Variants in PCYT1B observed in about 807,000 individuals in gnomAD.
The protein encoded by PCYT1B is choline-phosphate cytidylyltransferase B.
PCYT1B carries 10 observed loss-of-function variants against 26.4 expected under a neutral mutation model. The observed-to-expected ratio is 0.38, with a 90% CI of 0.23 to 0.64. The LOEUF is 0.64. Ranked by LOEUF, PCYT1B falls within the 30% of genes least tolerant of loss-of-function variation. The probability of loss-of-function intolerance (pLI) is 0.56; values close to 1 mark genes in which losing one functional copy is unlikely to be tolerated. For missense variants in PCYT1B, 161 were observed against 292.7 expected (o/e 0.55, Z 3.28); for synonymous variants, 131 against 108.4 (o/e 1.21, Z -1.29).
intron 5 of PCYT1B, among the ~76,000 whole-genome samples, chrX:24,580,954 C>T (rs893197831): frequency 9.0e-6 from 1 of 111,657 alleles, no homozygotes; most frequent in African/African-American, 3.3e-5. Context: ...TGTGCCATTT[C>T]TTTCTCTCTC....
At chrX:24,670,060 GAA>G (rs1443388746) in intron 1 of PCYT1B, among the ~76,000 whole-genome samples, 2 of 49,750 alleles carry the variant, frequency 4.0e-5, no homozygotes, top group East Asian at 8.8e-4. Flanking sequence ...AAGAAAGAAA[GAA>G]AGAAAGAAAG....
chrX:24,595,520 C>T (rs950385802), intron 3 of PCYT1B, among the ~76,000 whole-genome samples: 8 of 110,695 alleles, frequency 7.2e-5, no homozygotes, highest in African/African-American at 2.6e-4. Context: ...CTGGAGGCCC[C>T]GCTCCTGTTT....
At chrX:24,597,210 C>T (rs751482268) in intron 3 of PCYT1B, among the ~76,000 whole-genome samples, 85 of 108,644 alleles carry the variant, frequency 7.8e-4, no homozygotes, top group African/African-American at 2.5e-3. Flanking sequence ...CTGCAACCTC[C>T]GCCTCCTGGG....
At chrX:24,575,425 C>T (rs1923984401) in intron 6 of PCYT1B, 107 bp from the exon 7 acceptor site, 1 of 632,197 alleles carries the variant, frequency 1.6e-6, no homozygotes, top group Non-Finnish European at 2.3e-6. Context: ...TGTATTTGTT[C>T]CTAACCTGAA....
intron 1 of PCYT1B, among the ~76,000 whole-genome samples, chrX:24,625,408 A>G (rs1925851100): frequency 9.0e-6 from 1 of 111,061 alleles, no homozygotes; most frequent in South Asian, 3.8e-4. Context: ...TAATATAGTT[A>G]ACCATGGGCC....
intron 7 of PCYT1B, 135 bp downstream of exon 7, chrX:24,574,995 A>G: frequency 4.6e-6 from 2 of 437,837 alleles, no homozygotes; most frequent in East Asian, 4.0e-5. Flanking sequence ...ATGGACTTGA[A>G]GTCATTCAGG....
In PCYT1B at chrX:24,558,488, G is replaced by A; in HGVS notation, c.*3805C>T. ...AAACAGGCACATCTCTGCTAGAGACGGGCTCATCTGCTTCAGCTGAGCCAG... is the reference window on the plus strand; with the variant it reads ...AAACAGGCACATCTCTGCTAGAGACAGGCTCATCTGCTTCAGCTGAGCCAG... On this transcript the variant is annotated 3_prime_UTR_variant, in exon 8 of 8. Transcript: ENST00000379144. 9.1e-6 allele frequency: 1 copy of A among 109,733 alleles called. No homozygotes were observed. The highest frequency in any genetic ancestry group is 2.8e-4 in the East Asian group (1 of 3,512). 9.0% of individuals were successfully genotyped at this position (109,733 alleles called of 1,213,427 possible).
At chrX:24,668,320 G>A (rs1024992102) in intron 1 of PCYT1B, among the ~76,000 whole-genome samples, 1 of 111,732 alleles carries the variant, frequency 8.9e-6, no homozygotes, top group Non-Finnish European at 1.9e-5. Context: ...TGAATGCCTG[G>A]GAATCATCTC....
At chrX:24,623,089 G>A (rs774230996) in intron 1 of PCYT1B, among the ~76,000 whole-genome samples, 23 of 110,708 alleles carry the variant, frequency 2.1e-4, no homozygotes, top group Admixed American at 6.8e-4. Context: ...GGAGGAGAGA[G>A]ATAAGAAAGG....
intron 3 of PCYT1B, among the ~76,000 whole-genome samples, chrX:24,600,052 T>A (rs1025415340): frequency 9.1e-6 from 1 of 110,105 alleles, no homozygotes; most frequent in African/African-American, 3.3e-5. Flanking sequence ...GGACTACAGG[T>A]GCACGCCTGG....
intron 2 of PCYT1B, among the ~76,000 whole-genome samples, chrX:24,617,371 G>GTTTTTT (rs201674610): frequency 1.4e-4 from 11 of 80,333 alleles, no homozygotes; most frequent in Non-Finnish European, 2.2e-4. Context: ...TGGTTTGTTT[G>GTTTTTT]TTTTTTTTTT....
intron 1 of PCYT1B, among the ~76,000 whole-genome samples, chrX:24,670,096 G>GA (rs1927217096): frequency 1.0e-4 from 9 of 89,794 alleles, no homozygotes. Context: ...AAGAAAGAAA[G>GA]AAAGAAAGAA....
In PCYT1B at chrX:24,579,450, C is replaced by A. The variant is rs367642370; in HGVS notation, c.574G>T (p.Val192Phe). The change falls in exon 6 of 8, where the codon GTT (valine) becomes TTT (phenylalanine). Residue 192 changes from valine (V) to phenylalanine (F), a missense_variant. Around this residue, in one of 4 missense-constraint regions of PCYT1B, gnomAD observed 65 missense variants for 145.0 expected, o/e 0.45. Transcript: ENST00000379144. ...ATGCCTTCTGTTCTCTGCGTTGGAA[C>A]GAACATCCCTGTTCAAGTAGAAAAG... ...YKHIKEAGMF[V>F]PTQRTEGIST... The A allele has an allele frequency of 6.3e-5, 76 of 1,205,812 alleles. No individual in the cohort carries two copies. Among genetic ancestry groups the A allele is most frequent in the Non-Finnish European group, 8.0e-5 (71 of 892,239 alleles).
intron 3 of PCYT1B, among the ~76,000 whole-genome samples, chrX:24,601,885 C>T (rs1455264571): frequency 1.8e-5 from 2 of 112,261 alleles, no homozygotes; most frequent in African/African-American, 3.2e-5. Flanking sequence ...GTTGAATGCT[C>T]TACCTCTGAG....
chrX:24,586,121 G>A (rs904127743), intron 5 of PCYT1B, among the ~76,000 whole-genome samples: 1 of 112,189 alleles, frequency 8.9e-6, no homozygotes, highest in African/African-American at 3.2e-5. Context: ...GTTATATTTT[G>A]GGTAATTATT....
chrX:24,632,155 G>C (rs1217960518), intron 1 of PCYT1B: 1 of 112,016 alleles, frequency 8.9e-6, no homozygotes, highest in African/African-American at 3.3e-5. Flanking sequence ...TTTCAATGTT[G>C]AATGATACTA....
intron 2 of PCYT1B, among the ~76,000 whole-genome samples, chrX:24,609,415 C>T (rs1925238874): frequency 9.0e-6 from 1 of 111,576 alleles, no homozygotes; most frequent in South Asian, 3.8e-4. Flanking sequence ...GTGATCTGCC[C>T]ACCTCAGCCT....
At position 24,637,509 on chromosome X, in the gene PCYT1B, T is replaced by TATATATATATATATATATAAAA. The variant is rs779316769; in HGVS notation, c.117+9479_117+9480insTTTTATATATATATATATATAT. 9.4e-5 allele frequency among the ~76,000 whole-genome samples: 6 copies of TATATATATATATATATATAAAA among 64,068 alleles called. No homozygotes were observed. The East Asian group carries it at 3.0e-3, about 32-fold the overall frequency. The allele number at this position is 64,068 out of a possible 115,157, so 55.6% of individuals were successfully genotyped here. A position where few individuals can be genotyped will look rare whatever the true frequency, so the allele number is the denominator to read the frequency against. ...AAAAAAAAATATATATATATATATA[T>TATATATATATATATATATAAAA]ATAAATTAGCTGAGCGTGGTGGCGT... is the stretch of plus-strand genomic sequence containing the variant. On this transcript the variant is annotated intron_variant, in intron 1 of 7. Coordinates refer to ENST00000379144, the MANE Select transcript of PCYT1B (RefSeq NM_004845.5).
intron 3 of PCYT1B, among the ~76,000 whole-genome samples, chrX:24,601,408 G>A (rs759067530): frequency 9.1e-5 from 10 of 109,308 alleles, no homozygotes; most frequent in Non-Finnish European, 1.9e-4. Context: ...CACAAGAATT[G>A]CTTGAACCCG....
Sources: allele counts gnomAD v4.1 joint callset (sites outside exome capture counted in the v4.1 genomes callset), GRCh38; gene constraint gnomAD v4.1.1; regional missense constraint gnomAD v4.1.1; transcripts MANE v1.5; gene names NCBI Gene and HGNC (gene_info 2026-07-23, HGNC 2026-07-21).